Variants in TPTE observed in about 807,000 individuals in gnomAD.
TPTE encodes the protein putative tyrosine-protein phosphatase TPTE.
TPTE carries 59 observed loss-of-function variants against 84.1 expected under a neutral mutation model. The ratio of observed to expected loss-of-function variants is 0.70; its 90% CI spans 0.57 to 0.87. TPTE has a LOEUF of 0.87. TPTE is among the 40% of genes least tolerant of loss of function. TPTE has a pLI of 0.00. For synonymous variants in TPTE, 130 were observed against 223.5 expected (o/e 0.58, Z 3.73); for missense variants, 382 against 659.6 (o/e 0.58, Z 4.61).
At chr21:10,572,311 G>T (rs1454601290) in intron 14 of TPTE, among the ~76,000 whole-genome samples, 3 of 152,306 alleles carry the variant, frequency 2.0e-5, no homozygotes, top group Non-Finnish European at 4.4e-5. Context: ...AATTACCTGG[G>T]TGTGGTGGCG....
chr21:10,595,854 T>G, intron 19 of TPTE, 128 bp from the exon 20 acceptor site: 3 of 1,245,262 alleles, frequency 2.4e-6, no homozygotes, highest in Non-Finnish European at 3.4e-6. Context: ...CTAGTTATAT[T>G]ATGGCATCCA....
chr21:10,522,823 G>A (rs1425813077), intron 1 of TPTE, among the ~76,000 whole-genome samples: 6 of 152,306 alleles, frequency 3.9e-5, no homozygotes, highest in African/African-American at 1.4e-4. Context: ...ATCAAATCAT[G>A]GTAATTAGCA....
intron 23 of TPTE, among the ~76,000 whole-genome samples, chr21:10,605,021 C>A (rs1979104949): frequency 6.6e-6 from 1 of 152,310 alleles, no homozygotes; most frequent in African/African-American, 2.4e-5. Context: ...AAGGTCATTT[C>A]CAAGGTCTGA....
intron 17 of TPTE, among the ~76,000 whole-genome samples, chr21:10,589,176 ATAT>A (rs1294030469): frequency 6.6e-6 from 1 of 152,298 alleles, no homozygotes; most frequent in African/African-American, 2.4e-5. Context: ...CTTTCCTATA[ATAT>A]TATTGTTATT....
At chr21:10,532,668 C>T (rs569146664) in intron 3 of TPTE, among the ~76,000 whole-genome samples, 119 of 152,278 alleles carry the variant, frequency 7.8e-4, no homozygotes, top group African/African-American at 2.8e-3. Context: ...TTCATTGTAT[C>T]CTACAAACTT....
At chr21:10,533,441 CTTG>C (rs1442805383) in intron 3 of TPTE, among the ~76,000 whole-genome samples, 2 of 152,308 alleles carry the variant, frequency 1.3e-5, no homozygotes, top group Non-Finnish European at 2.9e-5. Flanking sequence ...TGTTGTTCAG[CTTG>C]TTGTATTTCT....
intron 3 of TPTE, among the ~76,000 whole-genome samples, chr21:10,533,483 T>C (rs2074213695): frequency 6.6e-6 from 1 of 152,426 alleles, no homozygotes; most frequent in African/African-American, 2.4e-5. Context: ...CTCAGATATC[T>C]AATCATGTTG....
intron 7 of TPTE, among the ~76,000 whole-genome samples, chr21:10,544,077 C>G (rs1268164632): frequency 2.6e-5 from 4 of 152,288 alleles, no homozygotes; most frequent in African/African-American, 9.6e-5. Flanking sequence ...GGAGGGTTTT[C>G]CCAGTCATGT....
intron 8 of TPTE, 98 bp downstream of exon 8, chr21:10,552,814 C>T (rs1169015912): frequency 6.3e-7 from 1 of 1,599,204 alleles, no homozygotes; most frequent in African/African-American, 1.3e-5. Context: ...AAAAGGGAAA[C>T]TATGGAAAGA....
Position 10,556,843 on chromosome 21 carries a change from T to G in TPTE, c.234-2651T>G, listed in dbSNP as rs1600896318. ...CTGTTGGCTGCATAAATGTCTTCTTTTGAGAAGTGTCTGTTCATATCCTTT... is the reference window on the plus strand; with the variant it reads ...CTGTTGGCTGCATAAATGTCTTCTTGTGAGAAGTGTCTGTTCATATCCTTT... On this transcript the variant is annotated intron_variant, in intron 8 of 23. Transcript: ENST00000618007. Among the ~76,000 whole-genome samples, 4 of 152,310 alleles carry G rather than the reference T, an allele frequency of 2.6e-5. No homozygotes were observed. In the South Asian group the frequency reaches 8.3e-4, roughly 31 times the overall value.
chr21:10,563,349 A>C (rs1429185027), intron 10 of TPTE, among the ~76,000 whole-genome samples: 4 of 152,310 alleles, frequency 2.6e-5, no homozygotes, highest in Non-Finnish European at 4.4e-5. Context: ...TATACAGAAA[A>C]ATGCAGAATG....
Position 10,605,509 on chromosome 21 carries a change from G to A in TPTE, c.1613G>A (p.Gly538Asp), listed in dbSNP as rs1229208656. Residue 538 changes from glycine (G) to aspartate (D), a missense_variant, in exon 24 of 24, where the codon GGC becomes GAC. Coordinates refer to ENST00000618007, the MANE Select transcript of TPTE (RefSeq NM_199261.4). ...GATTTTGCCGTGGAGATACTTTTTG[G>A]CGAGAAAATGACTTCCAGTGATGTT... ...PSDFAVEILF[G>D]EKMTSSDVVA... 1.2e-6 allele frequency: 2 copies of A among 1,614,208 alleles called. No homozygotes were observed. The highest frequency in any genetic ancestry group is 1.3e-5 in the African/African-American group (1 of 75,084).
intron 19 of TPTE, 110 bp from the exon 20 acceptor site, chr21:10,595,872 T>C: frequency 7.2e-7 from 1 of 1,384,782 alleles, no homozygotes; most frequent in Non-Finnish European, 1.0e-6. Flanking sequence ...CCAGTAAATG[T>C]TTCCTTAATT....
chr21:10,564,602 A>T (rs1316780704), intron 10 of TPTE, among the ~76,000 whole-genome samples: 1 of 152,308 alleles, frequency 6.6e-6, no homozygotes, highest in African/African-American at 2.4e-5. Context: ...AAAATCCTCA[A>T]CAAGATACTA....
intron 7 of TPTE, among the ~76,000 whole-genome samples, chr21:10,549,214 TC>T (rs1269757210): frequency 6.6e-6 from 1 of 152,306 alleles, no homozygotes; most frequent in South Asian, 2.1e-4. Flanking sequence ...CAAGACCCAT[TC>T]ATACAAATAA....
At chr21:10,522,173 G>C (rs1202522551) in intron 1 of TPTE, among the ~76,000 whole-genome samples, 9 of 152,282 alleles carry the variant, frequency 5.9e-5, no homozygotes, top group African/African-American at 2.4e-5. Context: ...TGAGTTCCCC[G>C]TGTCTGCTTT....
At chr21:10,539,654 G>T (rs1364761977) in intron 4 of TPTE, among the ~76,000 whole-genome samples, 3 of 152,312 alleles carry the variant, frequency 2.0e-5, no homozygotes, top group Non-Finnish European at 4.4e-5. Flanking sequence ...AAATGGCATG[G>T]CAGATTCCAA....
At chr21:10,552,208 C>T (rs892142017) in intron 7 of TPTE, among the ~76,000 whole-genome samples, 1 of 152,310 alleles carries the variant, frequency 6.6e-6, no homozygotes, top group African/African-American at 2.4e-5. Context: ...ACTTAACAGG[C>T]TACATGTAGG....
intron 7 of TPTE, among the ~76,000 whole-genome samples, chr21:10,545,662 CAT>C (rs1446081393): frequency 6.6e-6 from 1 of 152,008 alleles, no homozygotes; most frequent in Non-Finnish European, 1.5e-5. Flanking sequence ...ATATAACACA[CAT>C]GTATATGTGT....
Sources: gnomAD v4.1 joint callset for allele counts (sites outside exome capture counted in the v4.1 genomes callset) on GRCh38, gnomAD v4.1.1 for gene constraint, MANE v1.5 for transcripts, NCBI Gene and HGNC (gene_info 2026-07-23, HGNC 2026-07-21) for gene names.